The following DCT variants were observed in gnomAD, a reference collection of about 807,000 sequenced individuals.
The protein encoded by DCT is dopachrome tautomerase.
DCT carries 47 observed loss-of-function variants against 53.0 expected under a neutral mutation model. The observed-to-expected ratio is 0.89, with a 90% CI of 0.70 to 1.13. DCT has a LOEUF of 1.13. DCT is among the 50% of genes most tolerant of loss of function. The pLI is 0.00. For missense variants in DCT, 669 were observed against 637.4 expected, an observed-to-expected ratio of 1.05 and a Z score of -0.53; for synonymous variants, 244 against 237.0, an observed-to-expected ratio of 1.03 and a Z score of -0.27.
chr13:94,548,274 C>A, the DCT span, among the ~76,000 whole-genome samples: 1 of 151,870 alleles, frequency 6.6e-6, no homozygotes, highest in African/African-American at 2.4e-5. Context: ...TTATGAAGAG[C>A]AAATAATGCT....
At chr13:94,445,871 A>G in intron 6 of DCT, 2 of 693,284 alleles carry the variant, frequency 2.9e-6, no homozygotes, top group Non-Finnish European at 4.9e-6. Flanking sequence ...TCCTGGAGGC[A>G]GGGGAGAAAC....
At chr13:94,465,183 C>T (rs1302454113) in intron 4 of DCT, among the ~76,000 whole-genome samples, 1 of 152,172 alleles carries the variant, frequency 6.6e-6, no homozygotes, top group Non-Finnish European at 1.5e-5. Context: ...TAATACAAGA[C>T]AATATTCAAA....
intron 1 of DCT, among the ~76,000 whole-genome samples, chr13:94,476,469 C>CTTT (rs57154236): frequency 3.3e-4 from 37 of 111,026 alleles, no homozygotes; most frequent in African/African-American, 8.3e-4. Context: ...TTGGCACTTT[C>CTTT]TTTTTTTTTT....
chr13:94,508,738 A>G, the DCT span, among the ~76,000 whole-genome samples: 1 of 152,168 alleles, frequency 6.6e-6, no homozygotes, highest in Non-Finnish European at 1.5e-5. Context: ...GTGGAAGTTT[A>G]CACAGACACA....
the DCT span, among the ~76,000 whole-genome samples, chr13:94,510,931 C>T: frequency 2.6e-5 from 4 of 152,206 alleles, no homozygotes; most frequent in Non-Finnish European, 4.4e-5. Flanking sequence ...ATGTGAACCA[C>T]CTCCTGCACA....
chr13:94,466,417 T>C (rs920069170), intron 3 of DCT, 141 bp downstream of exon 3: 5 of 543,450 alleles, frequency 9.2e-6, no homozygotes, highest in Admixed American at 6.9e-5. Flanking sequence ...ATGCTGAGTA[T>C]GTTAATTTAC....
chr13:94,517,383 A>G, the DCT span, among the ~76,000 whole-genome samples: 17 of 152,266 alleles, frequency 1.1e-4, no homozygotes, highest in Admixed American at 9.2e-4. Context: ...TCTCTACCTC[A>G]GATACCACCC....
chr13:94,479,257 G>T lies in DCT; in HGVS notation c.-2C>A. ...AAACCCCCACCAAAGGGGGCTCATG[G>T]CTTTATAATTGGGAGAGCTCTCTCT... On this transcript the variant is annotated 5_prime_UTR_variant, in exon 1 of 8. Coordinates refer to ENST00000377028, the MANE Select transcript of DCT (RefSeq NM_001922.5). 5.7e-6 allele frequency: 9 copies of T among 1,568,418 alleles called. No homozygotes were observed. Among genetic ancestry groups the T allele is most frequent in the Non-Finnish European group, 7.8e-6 (9 of 1,151,696 alleles).
chr13:94,479,328 T>C lies in DCT; in HGVS notation c.-73A>G, dbSNP rs1309652644. 3.1e-6 allele frequency: 4 copies of C among 1,278,636 alleles called. No homozygotes were observed. The highest frequency in any genetic ancestry group is 5.0e-5 in the East Asian group (2 of 39,732). 79.2% of individuals were successfully genotyped at this position (1,278,636 alleles called of 1,614,324 possible). On this transcript the variant is annotated 5_prime_UTR_variant, in exon 1 of 8. Coordinates refer to ENST00000377028, the MANE Select transcript of DCT (RefSeq NM_001922.5). ...CTGTCGTACTTTTCTCCTTATCTTC[T>C]ACTCTTTCAGTCTTTTCTTTTCAGT...
chr13:94,445,827 T>A, intron 6 of DCT: 1 of 1,178,078 alleles, frequency 8.5e-7, no homozygotes, highest in Non-Finnish European at 1.2e-6. Flanking sequence ...GTGAGCTGAA[T>A]TGGGACCCGC....
At chr13:94,457,912 G>T (rs557211839) in intron 6 of DCT, among the ~76,000 whole-genome samples, 1 of 152,122 alleles carries the variant, frequency 6.6e-6, no homozygotes, top group East Asian at 1.9e-4. Flanking sequence ...CTGGCCTGGC[G>T]CTATCAACGA....
the DCT span, among the ~76,000 whole-genome samples, chr13:94,517,095 A>G: frequency 6.6e-6 from 1 of 152,214 alleles, no homozygotes; most frequent in Non-Finnish European, 1.5e-5. Flanking sequence ...GTCATTTCCT[A>G]AATATAAGAG....
At chr13:94,528,680 G>A in the DCT span, among the ~76,000 whole-genome samples, 1 of 151,534 alleles carries the variant, frequency 6.6e-6, no homozygotes, top group African/African-American at 2.4e-5. Flanking sequence ...CCAGCCATTG[G>A]AAAAACATGC....
chr13:94,450,867 A>G (rs1478652080), intron 6 of DCT, among the ~76,000 whole-genome samples: 1 of 152,208 alleles, frequency 6.6e-6, no homozygotes, highest in Non-Finnish European at 1.5e-5. Flanking sequence ...GCTCAACTCA[A>G]TGCTAGAACC....
chr13:94,464,025 G>A (rs986259612), intron 4 of DCT, among the ~76,000 whole-genome samples: 4 of 152,190 alleles, frequency 2.6e-5, no homozygotes, highest in Non-Finnish European at 5.9e-5. Flanking sequence ...AAATTTACTT[G>A]ATGACGGAAA....
chr13:94,484,610 C>T (rs1021943683), upstream of DCT, among the ~76,000 whole-genome samples: 1 of 152,174 alleles, frequency 6.6e-6, no homozygotes, highest in African/African-American at 2.4e-5. Context: ...GGGTTGGATT[C>T]GTCTGTCAAG....
At chr13:94,518,517 T>C in the DCT span, among the ~76,000 whole-genome samples, 3 of 152,234 alleles carry the variant, frequency 2.0e-5, no homozygotes, top group Non-Finnish European at 4.4e-5. Flanking sequence ...GACGTTTTTC[T>C]TCTCTCATCC....
chr13:94,518,244 C>T, the DCT span, among the ~76,000 whole-genome samples: 5 of 151,964 alleles, frequency 3.3e-5, no homozygotes, highest in African/African-American at 4.8e-5. Flanking sequence ...TAAAAAAAAA[C>T]AATTATACAA....
the DCT span, among the ~76,000 whole-genome samples, chr13:94,485,538 A>G: frequency 6.6e-6 from 1 of 152,238 alleles, no homozygotes; most frequent in Admixed American, 6.5e-5. Flanking sequence ...AACCTTGCAC[A>G]AACACAGTGT....
Sources: allele counts gnomAD v4.1 joint callset (sites outside exome capture counted in the v4.1 genomes callset), GRCh38; gene constraint gnomAD v4.1.1; transcripts MANE v1.5; gene names NCBI Gene and HGNC (gene_info 2026-07-23, HGNC 2026-07-21).